Variants in LGR6 observed in about 807,000 individuals in gnomAD.
LGR6 encodes the protein leucine rich repeat containing G protein-coupled receptor 6.
A neutral mutation model predicts 69.4 loss-of-function variants in LGR6; 45 were observed. The observed-to-expected ratio is 0.65, with a 90% CI of 0.51 to 0.83. The LOEUF (loss-of-function observed/expected upper bound fraction) is 0.83, where lower values mean the gene tolerates loss of function less well. Ranked by LOEUF, LGR6 falls within the 40% of genes least tolerant of loss-of-function variation. The pLI is 0.00. For missense variants in LGR6, 1,108 were observed against 1,246.7 expected (o/e 0.89, Z 1.68); for synonymous variants, 538 against 555.0 (o/e 0.97, Z 0.43).
chr1:202,274,331 C>T (rs1665364687), intron 4 of LGR6, among the ~76,000 whole-genome samples: 1 of 152,210 alleles, frequency 6.6e-6, no homozygotes, highest in South Asian at 2.1e-4. Context: ...GAGTTCACAG[C>T]TGAATGTAGT....
rs12727355 is a variant in LGR6, at chr1:202,301,923, G to A, written c.929+688G>A. Among the ~76,000 whole-genome samples the A allele has an allele frequency of 2.0e-5, 3 of 152,166 alleles. No individual in the cohort carries two copies. The South Asian group carries it at 6.2e-4, about 31-fold the overall frequency. ...AATCCCAGCTACTCAGGAGACTGAG[G>A]CAGAGGACTCGCTTGAACCCGGGAG... On this transcript the variant is annotated intron_variant, in intron 9 of 17. Coordinates refer to ENST00000367278, the MANE Select transcript of LGR6 (RefSeq NM_001017403.2).
At chr1:202,233,879 C>T (rs1240453162) in intron 3 of LGR6, among the ~76,000 whole-genome samples, 1 of 152,176 alleles carries the variant, frequency 6.6e-6, no homozygotes, top group Non-Finnish European at 1.5e-5. Flanking sequence ...AAAGAGAAAA[C>T]TAAGGCCCGC....
intron 16 of LGR6, among the ~76,000 whole-genome samples, chr1:202,312,328 T>C (rs187426103): frequency 1.6e-4 from 24 of 152,334 alleles, no homozygotes; most frequent in Admixed American, 1.4e-3. Context: ...CATTCATGCA[T>C]TTTGATTTCA....
intron 1 of LGR6, 195 bp from the exon 2 acceptor site, chr1:202,225,228 G>T: frequency 3.7e-6 from 2 of 547,636 alleles, no homozygotes; most frequent in Non-Finnish European, 6.7e-6. Flanking sequence ...GACCCGGGAG[G>T]CCTGACTCCC....
intron 1 of LGR6, chr1:202,197,280 T>G (rs1658675781): frequency 2.3e-6 from 1 of 437,670 alleles, no homozygotes; most frequent in African/African-American, 2.0e-5. Context: ...CAGAAAGGCG[T>G]CTTTATAGCC....
intron 3 of LGR6, among the ~76,000 whole-genome samples, chr1:202,228,225 C>A (rs111593713): frequency 6.6e-6 from 1 of 152,214 alleles, no homozygotes; most frequent in African/African-American, 2.4e-5. Flanking sequence ...CTGCTACATT[C>A]AGCCACACTA....
intron 1 of LGR6, among the ~76,000 whole-genome samples, chr1:202,219,712 C>G (rs1369412052): frequency 1.3e-5 from 2 of 152,054 alleles, no homozygotes; most frequent in African/African-American, 2.4e-5. Context: ...TGCCAGGCAC[C>G]CTGATAGGAC....
In LGR6 at chr1:202,260,778, AT is replaced by A. The variant is rs971642371; in HGVS notation, c.429-15521del. Among the ~76,000 whole-genome samples the A allele has an allele frequency of 8.5e-5, 13 of 152,148 alleles. No individual in the cohort carries two copies. The East Asian group carries it at 1.7e-3, about 20-fold the overall frequency. On this transcript the variant is annotated intron_variant, in intron 4 of 17. Coordinates refer to ENST00000367278, the MANE Select transcript of LGR6 (RefSeq NM_001017403.2). ...TTTTTTGTGGCCAACTAACTAATAT[AT>A]TTTTTTGTGGCCAATATAAAATTAT...
chr1:202,317,915 C>T (rs1337051708), intron 17 of LGR6, 37 bp from the exon 18 acceptor site: 2 of 1,546,656 alleles, frequency 1.3e-6, no homozygotes, highest in African/African-American at 2.7e-5. Context: ...GTCCCACCAT[C>T]CTCTGGCCCA....
At chr1:202,197,448 G>A in intron 1 of LGR6, 1 of 533,352 alleles carries the variant, frequency 1.9e-6, no homozygotes, top group South Asian at 1.4e-5. Flanking sequence ...TTAAACTATA[G>A]TCTCAGCGAG....
chr1:202,219,101 C>A (rs1479752262), intron 1 of LGR6, among the ~76,000 whole-genome samples: 1 of 152,228 alleles, frequency 6.6e-6, no homozygotes, highest in Non-Finnish European at 1.5e-5. Flanking sequence ...GTTCTTTCCT[C>A]TCTACCCCAT....
At chr1:202,299,842 G>A (rs1054240569) in intron 7 of LGR6, among the ~76,000 whole-genome samples, 17 of 151,902 alleles carry the variant, frequency 1.1e-4, no homozygotes, top group African/African-American at 3.9e-4. Context: ...GGAAGGAAAG[G>A]AGCCTGCTCC....
At position 202,319,383 on chromosome 1, in the gene LGR6, C is replaced by T. The variant is rs1572037676; in HGVS notation, c.*176C>T. ...TCCTGTGACCATCACCAACGGGTGC[C>T]TCTTGGCCTGGCTTTCCCTTGGCCT... On this transcript the variant is annotated 3_prime_UTR_variant, in exon 18 of 18. Coordinates refer to ENST00000367278, the MANE Select transcript of LGR6 (RefSeq NM_001017403.2). 1 of 657,222 alleles carries T rather than the reference C, an allele frequency of 1.5e-6. No homozygotes were observed. The highest frequency in any genetic ancestry group is 2.4e-6 in the Non-Finnish European group (1 of 415,190). The allele number at this position is 657,222 out of a possible 1,614,324, so 40.7% of individuals were successfully genotyped here.
chr1:202,308,755 C>T (rs1653472419), intron 14 of LGR6, among the ~76,000 whole-genome samples: 1 of 152,182 alleles, frequency 6.6e-6, no homozygotes, highest in Non-Finnish European at 1.5e-5. Flanking sequence ...AGCTCTGTTA[C>T]CTACAAATTG....
intron 6 of LGR6, among the ~76,000 whole-genome samples, chr1:202,287,029 G>A (rs902870486): frequency 6.6e-6 from 1 of 152,176 alleles, no homozygotes; most frequent in African/African-American, 2.4e-5. Context: ...GGAATGGAGA[G>A]GAAGAGAGGT....
At chr1:202,307,748 G>C (rs1653361667) in intron 14 of LGR6, among the ~76,000 whole-genome samples, 1 of 152,248 alleles carries the variant, frequency 6.6e-6, no homozygotes, top group African/African-American at 2.4e-5. Flanking sequence ...GAGGGTGGAA[G>C]TAGATGTGGG....
chr1:202,196,600 G>A (rs188113584), intron 1 of LGR6, among the ~76,000 whole-genome samples: 36 of 152,336 alleles, frequency 2.4e-4, no homozygotes, highest in African/African-American at 8.4e-4. Flanking sequence ...GGTTCTTCAT[G>A]TGTACATGGA....
chr1:202,274,160 G>T (rs1665349081), intron 4 of LGR6, among the ~76,000 whole-genome samples: 1 of 152,192 alleles, frequency 6.6e-6, no homozygotes, highest in Non-Finnish European at 1.5e-5. Flanking sequence ...AAGGGGGGCT[G>T]TCCAGGTCTC....
intron 4 of LGR6, among the ~76,000 whole-genome samples, chr1:202,270,433 G>C (rs112134140): frequency 0.029 from 4,338 of 151,810 alleles, 98 homozygotes; most frequent in East Asian, 0.087. Context: ...GTAGAGATGG[G>C]GTTTCCCCAT....
Sources: gnomAD v4.1 joint callset for allele counts (sites outside exome capture counted in the v4.1 genomes callset) on GRCh38, gnomAD v4.1.1 for gene constraint, MANE v1.5 for transcripts, NCBI Gene and HGNC (gene_info 2026-07-23, HGNC 2026-07-21) for gene names.